The following PRKG1 variants were observed in gnomAD, a reference collection of about 807,000 sequenced individuals.
The protein encoded by PRKG1 is protein kinase cGMP-dependent 1.
A neutral mutation model predicts 88.1 loss-of-function variants in PRKG1; 35 were observed. The observed-to-expected ratio is 0.40, with a 90% CI of 0.30 to 0.53. PRKG1 has a LOEUF of 0.53. PRKG1 is among the 20% of genes least tolerant of loss of function. The pLI, the probability that PRKG1 is intolerant of heterozygous loss-of-function variation, is 0.59. For synonymous variants in PRKG1, 303 were observed against 292.5 expected (o/e 1.04, Z -0.37); for missense variants, 540 against 839.8 (o/e 0.64, Z 4.41).
chr10:51,821,630 A>G (rs1589319955), intron 4 of PRKG1, among the ~76,000 whole-genome samples: 1 of 152,080 alleles, frequency 6.6e-6, no homozygotes, highest in East Asian at 1.9e-4. Context: ...CTATATATTT[A>G]TATTTAGCAC....
At chr10:52,237,394 C>T (rs1190215381) in intron 9 of PRKG1, among the ~76,000 whole-genome samples, 33 of 124,308 alleles carry the variant, frequency 2.7e-4, no homozygotes, top group South Asian at 3.3e-4. Flanking sequence ...TGTTTGCAGA[C>T]GACATGATTG....
chr10:51,302,074 G>A (rs1840903420), intron 2 of PRKG1, among the ~76,000 whole-genome samples: 1 of 152,158 alleles, frequency 6.6e-6, no homozygotes, highest in Non-Finnish European at 1.5e-5. Context: ...TGTTAGCTAT[G>A]TCCTTGTTCC....
intron 11 of PRKG1, among the ~76,000 whole-genome samples, chr10:52,272,002 A>G (rs764205180): frequency 2.0e-5 from 3 of 152,078 alleles, no homozygotes; most frequent in Non-Finnish European, 4.4e-5. Context: ...AGCGAATAGC[A>G]TATGAAATTT....
chr10:52,157,335 ATATG>A (rs1233628192), intron 8 of PRKG1, among the ~76,000 whole-genome samples: 1 of 110,106 alleles, frequency 9.1e-6, no homozygotes, highest in East Asian at 2.4e-4. Context: ...ATATATATAT[ATATG>A]TATATATATG....
intron 3 of PRKG1, among the ~76,000 whole-genome samples, chr10:51,737,734 TTTA>T (rs1837318519): frequency 7.1e-6 from 1 of 140,318 alleles, no homozygotes; most frequent in East Asian, 2.1e-4. Context: ...TATTTATTTA[TTTA>T]TTAATTATTA....
At chr10:51,179,549 C>T (rs1186363227) in intron 2 of PRKG1, among the ~76,000 whole-genome samples, 2 of 152,210 alleles carry the variant, frequency 1.3e-5, no homozygotes, top group Non-Finnish European at 2.9e-5. Flanking sequence ...CTGAAACCCG[C>T]AGAACCACTG....
chr10:51,427,740 C>CAAGAAG (rs2132719190), intron 2 of PRKG1, among the ~76,000 whole-genome samples: 1 of 152,176 alleles, frequency 6.6e-6, no homozygotes, highest in East Asian at 1.9e-4. Flanking sequence ...TCCAGCTTCA[C>CAAGAAG]CCCAGAATCA....
At chr10:51,227,937 C>T (rs1329925398) in intron 2 of PRKG1, among the ~76,000 whole-genome samples, 1 of 151,960 alleles carries the variant, frequency 6.6e-6, no homozygotes, top group African/African-American at 2.4e-5. Flanking sequence ...CATCTCTAGA[C>T]TATTCTACTT....
intron 2 of PRKG1, among the ~76,000 whole-genome samples, chr10:51,194,004 A>G (rs1386327218): frequency 6.6e-6 from 1 of 152,154 alleles, no homozygotes; most frequent in African/African-American, 2.4e-5. Flanking sequence ...TGAAAGCAGA[A>G]TGTTTTCTCC....
At chr10:51,927,337 GC>G (rs374648960) in intron 5 of PRKG1, among the ~76,000 whole-genome samples, 18 of 152,244 alleles carry the variant, frequency 1.2e-4, no homozygotes, top group African/African-American at 3.9e-4. Context: ...TGTGAGACGT[GC>G]CTTTCACCTT....
At chr10:51,165,933 C>A (rs572121288) in intron 2 of PRKG1, among the ~76,000 whole-genome samples, 5 of 152,030 alleles carry the variant, frequency 3.3e-5, no homozygotes, top group African/African-American at 9.6e-5. Context: ...TAATTAATAG[C>A]CTATTGTAAT....
intron 2 of PRKG1, among the ~76,000 whole-genome samples, chr10:51,166,687 A>G (rs185805007): frequency 1.0e-3 from 154 of 152,244 alleles, no homozygotes; most frequent in African/African-American, 3.4e-3. Flanking sequence ...ATGAAATAGG[A>G]AAAATATTTT....
At chr10:51,116,409 T>C (rs766900639) in intron 1 of PRKG1, among the ~76,000 whole-genome samples, 2 of 152,144 alleles carry the variant, frequency 1.3e-5, no homozygotes. Flanking sequence ...ACACGGCTTA[T>C]TGGGCTTCTG....
At chr10:52,279,868 GA>G (rs928699303) in intron 12 of PRKG1, among the ~76,000 whole-genome samples, 30 of 133,706 alleles carry the variant, frequency 2.2e-4, no homozygotes, top group East Asian at 1.8e-3. Context: ...ACTCGGGAAA[GA>G]AAAAAAAAGT....
At chr10:51,296,035 C>T (rs901044522) in intron 2 of PRKG1, among the ~76,000 whole-genome samples, 5 of 151,944 alleles carry the variant, frequency 3.3e-5, no homozygotes, top group East Asian at 1.9e-4. Context: ...CACTTGGTCA[C>T]GGTGTATGAT....
intron 3 of PRKG1, among the ~76,000 whole-genome samples, chr10:51,640,843 T>A (rs1475194953): frequency 1.4e-5 from 2 of 140,700 alleles, no homozygotes; most frequent in African/African-American, 5.0e-5. Context: ...TTTTTATGTT[T>A]GGTCAGAATA....
chr10:51,496,275 G>A (rs1335837227), intron 3 of PRKG1, among the ~76,000 whole-genome samples: 1 of 152,152 alleles, frequency 6.6e-6, no homozygotes, highest in East Asian at 1.9e-4. Flanking sequence ...TAGTGTATAG[G>A]TGTTGCCTTG....
intron 3 of PRKG1, among the ~76,000 whole-genome samples, chr10:51,557,335 A>G (rs4245019): frequency 0.93 from 140,398 of 151,622 alleles, 65,092 homozygotes; most frequent in East Asian, 1. Context: ...GGGCACCGGC[A>G]TACACCACCA....
At chr10:51,978,717 T>C (rs948634409) in intron 5 of PRKG1, among the ~76,000 whole-genome samples, 3 of 152,032 alleles carry the variant, frequency 2.0e-5, no homozygotes, top group African/African-American at 4.8e-5. Context: ...ATTTTTTTAC[T>C]GTCATTTGGG....
Sources: gnomAD v4.1 joint callset for allele counts (sites outside exome capture counted in the v4.1 genomes callset) on GRCh38, gnomAD v4.1.1 for gene constraint, MANE v1.5 for transcripts, NCBI Gene and HGNC (gene_info 2026-07-23, HGNC 2026-07-21) for gene names.